KIF1C: variants seen among roughly 807,000 people sequenced by gnomAD.
KIF1C encodes the protein kinesin family member 1C.
In KIF1C, 61 loss-of-function variants were observed where a neutral mutation model predicts 126.5. The observed-to-expected ratio is 0.48, with a 90% CI of 0.39 to 0.60. The LOEUF is 0.60. Among genes scored for constraint, KIF1C ranks in the 20% least tolerant of loss-of-function variants. The pLI is 0.00. For synonymous variants in KIF1C, 640 were observed against 580.6 expected, an observed-to-expected ratio of 1.10 and a Z score of -1.47; for missense variants, 1,315 against 1,489.2, an observed-to-expected ratio of 0.88 and a Z score of 1.93.
At chr17:5,017,438 T>C (rs747418523) in intron 18 of KIF1C, among the ~76,000 whole-genome samples, 1 of 151,644 alleles carries the variant, frequency 6.6e-6, no homozygotes, top group Non-Finnish European at 1.5e-5. Context: ...TAGCTGGGAC[T>C]ACAGGCGCCC....
chr17:5,004,916 C>A lies in KIF1C; in HGVS notation c.1081C>A (p.Arg361=). 2 of 1,614,224 alleles carry A rather than the reference C, an allele frequency of 1.2e-6. No individual in the cohort carries two copies. Among genetic ancestry groups the A allele is most frequent in the Non-Finnish European group, 1.7e-6 (2 of 1,180,042 alleles). ...NAIINEDPNA[R]LIRELQEEVA... is the part of the protein sequence containing the mutation. ...CATCATCAACGAGGACCCTAATGCC[C>A]GGCTGATTAGAGAGCTGCAGGAGGA... Residue 361 remains arginine (R), a synonymous_variant, in exon 13 of 23, where the codon CGG becomes AGG. Coordinates refer to ENST00000320785, the MANE Select transcript of KIF1C (RefSeq NM_006612.6).
chr17:5,006,888 A>T, intron 13 of KIF1C, 27 bp from the exon 14 acceptor site: 1 of 1,610,990 alleles, frequency 6.2e-7, no homozygotes, highest in African/African-American at 1.3e-5. Flanking sequence ...CCTTAGCCTC[A>T]TTCTTTTTCC....
Position 5,024,020 on chromosome 17 carries a change from T to TA in KIF1C, c.3182dup (p.Tyr1061Ter). 6.3e-7 allele frequency: 1 copy of TA among 1,593,730 alleles called. No homozygotes were observed. The change falls in exon 23 of 23, where the codon TAT (tyrosine) becomes TAAT (stop). Residue 1061 changes from tyrosine to a stop codon, truncating the protein, a stop_gained and frameshift_variant. Coordinates refer to ENST00000320785, the MANE Select transcript of KIF1C (RefSeq NM_006612.6). LOFTEE classifies it high-confidence loss of function. ...QHFQPKKHNSYPQPPQPYPAQ... is the reference protein window; with the variant it reads ...QHFQPKKHNS ...CTTCCAGCCCAAAAAGCACAACTCT[T>TA]ATCCCCAGCCACCCCAACCCTACCC...
Position 5,004,844 on chromosome 17 carries a change from C to G in KIF1C, c.1020-11C>G, listed in dbSNP as rs1974689132. The G allele has an allele frequency of 3.7e-6, 6 of 1,614,212 alleles. No individual in the cohort carries two copies. The highest frequency in any genetic ancestry group is 5.1e-6 in the Non-Finnish European group (6 of 1,180,040). ...CCCAGGCCTCACCGACCCTGCTCCTCTGTCACCCAGGTATGCTGACCGCAC... is the reference window on the plus strand; with the variant it reads ...CCCAGGCCTCACCGACCCTGCTCCTGTGTCACCCAGGTATGCTGACCGCAC... On this transcript the variant is annotated splice_polypyrimidine_tract_variant and intron_variant, in intron 12 of 22. Coordinates refer to ENST00000320785, the MANE Select transcript of KIF1C (RefSeq NM_006612.6).
chr17:5,005,259 C>T (rs901379357), intron 13 of KIF1C, among the ~76,000 whole-genome samples: 6 of 152,178 alleles, frequency 3.9e-5, no homozygotes, highest in Non-Finnish European at 8.8e-5. Context: ...ATGACTGTTA[C>T]AGGAAAAAAT....
intron 1 of KIF1C, among the ~76,000 whole-genome samples, 166 bp downstream of exon 1, chr17:4,998,322 C>G (rs1974443963): frequency 1.3e-5 from 2 of 152,164 alleles, no homozygotes; most frequent in African/African-American, 4.8e-5. Flanking sequence ...CGGCCGCCGG[C>G]TGGCTGGACA....
At position 5,024,333 on chromosome 17, in the gene KIF1C, C is replaced by T. The variant is rs904310871; in HGVS notation, c.*182C>T. 1.2e-5 allele frequency: 6 copies of T among 512,818 alleles called. No homozygotes were observed. The highest frequency in any genetic ancestry group is 5.9e-5 in the South Asian group (2 of 33,738). 31.8% of individuals were successfully genotyped at this position (512,818 alleles called of 1,614,324 possible). A position where few individuals can be genotyped will look rare whatever the true frequency, so the allele number is the denominator to read the frequency against. On this transcript the variant is annotated 3_prime_UTR_variant, in exon 23 of 23. Transcript: ENST00000320785. ...GGAGGCTGAGGAAAGGAAGAGGGCACGGAGTTGCCAGGAGCAAACCAAAGT... is the reference window on the plus strand; with the variant it reads ...GGAGGCTGAGGAAAGGAAGAGGGCATGGAGTTGCCAGGAGCAAACCAAAGT...
At position 5,020,572 on chromosome 17, in the gene KIF1C, G is replaced by T; in HGVS notation, c.1831G>T (p.Val611Phe). The T allele has an allele frequency of 6.2e-7, 1 of 1,614,234 alleles. No homozygotes were observed. The highest frequency in any genetic ancestry group is 8.5e-7 in the Non-Finnish European group (1 of 1,180,038). The change falls in exon 20 of 23, where the codon GTC becomes TTC. Residue 611 changes from valine (V) to phenylalanine (F), a missense_variant. By Grantham distance (50) the Val-to-Phe change is conservative. Around this residue, in one of 2 missense-constraint regions of KIF1C, gnomAD observed 874 missense variants for 1,053.2 expected, o/e 0.83. Coordinates refer to ENST00000320785, the MANE Select transcript of KIF1C (RefSeq NM_006612.6). The surrounding 1 kb of genome is among the most constrained non-coding windows in gnomAD (Gnocchi z 5.8). ...GGCAAGGCTGGAACGGGAACGAGGG[G>T]TCCCCCCACCCCCAGGACCGCCCTC... is the stretch of plus-strand genomic sequence containing the variant. ...EQARLERERG[V>F]PPPPGPPSEP...
rs142046798 is a variant in KIF1C, at chr17:5,007,273, A to G, written c.1346A>G (p.Lys449Arg). The G allele has an allele frequency of 3.8e-5, 61 of 1,609,156 alleles. 1 individual carries two copies. The highest frequency in any genetic ancestry group is 1.7e-4 in the Admixed American group (10 of 58,910). Residue 449 changes from lysine to arginine, a missense_variant, in exon 15 of 23, where the codon AAG becomes AGG. By Grantham distance (26) the Lys-to-Arg change is conservative. This residue lies in a region of KIF1C where 874 missense variants were observed against 1,053.2 expected (regional missense o/e 0.83). Coordinates refer to ENST00000320785, the MANE Select transcript of KIF1C (RefSeq NM_006612.6). ...EAMERLQETE[K>R]IIAELNETWE... Reference sequence around the variant, plus strand: ...ACCTTACGCCCCCAGGAGACAGAGAAGATTATAGCTGAGCTGAACGAGACA... The same window carrying G: ...ACCTTACGCCCCCAGGAGACAGAGAGGATTATAGCTGAGCTGAACGAGACA...
At chr17:5,006,506 T>A (rs1300144711) in intron 13 of KIF1C, among the ~76,000 whole-genome samples, 3 of 149,856 alleles carry the variant, frequency 2.0e-5, no homozygotes, top group East Asian at 2.0e-4. Context: ...CAGGCTAATT[T>A]TTGTATTTTA....
At chr17:5,011,059 CTTAG>C (rs1974855385) in intron 16 of KIF1C, among the ~76,000 whole-genome samples, 1 of 152,102 alleles carries the variant, frequency 6.6e-6, no homozygotes. Flanking sequence ...CACATTCTGG[CTTAG>C]TAAGACTTTT....
In KIF1C at chr17:5,000,303, G is replaced by C; in HGVS notation, c.57G>C (p.Glu19Asp). 6.3e-7 allele frequency: 1 copy of C among 1,594,134 alleles called. No homozygotes were observed. The highest frequency in any genetic ancestry group is 8.5e-7 in the Non-Finnish European group (1 of 1,171,624). The change falls in exon 3 of 23, where the codon GAG becomes GAC. Residue 19 changes from glutamate to aspartate, a missense_variant. Glu to Asp is a conservative substitution (Grantham distance 45, BLOSUM62 2). Coordinates refer to ENST00000320785, the MANE Select transcript of KIF1C (RefSeq NM_006612.6). ...AVRVRPFNAR[E>D]TSQDAKCVVS... ...GGGTTCGGCCCTTTAACGCCCGTGA[G>C]ACCAGCCAGGATGCCAAGTGTGTGG...
intron 1 of KIF1C, among the ~76,000 whole-genome samples, 162 bp downstream of exon 1, chr17:4,998,318 C>T (rs879510632): frequency 1.3e-5 from 2 of 152,180 alleles, no homozygotes; most frequent in Non-Finnish European, 2.9e-5. Context: ...CGGGCGGCCG[C>T]CGGCTGGCTG....
At chr17:5,011,743 C>G (rs937440155) in intron 16 of KIF1C, 1 of 152,126 alleles carries the variant, frequency 6.6e-6, no homozygotes, top group South Asian at 2.1e-4. Context: ...GGGGACACAG[C>G]TTTGGGCTCT....
intron 18 of KIF1C, among the ~76,000 whole-genome samples, chr17:5,016,965 A>G (rs531177656): frequency 1.3e-5 from 2 of 152,080 alleles, no homozygotes; most frequent in East Asian, 3.9e-4. Flanking sequence ...CAGCCAATCA[A>G]GGCAGTTGTT....
rs1192093807 is a variant in KIF1C, at chr17:4,998,078, C to G, written c.-227C>G. On this transcript the variant is annotated 5_prime_UTR_variant, in exon 1 of 23. In the 5' UTR this introduces an upstream ATG that the reference lacks. Coordinates refer to ENST00000320785, the MANE Select transcript of KIF1C (RefSeq NM_006612.6). ...GGGCAGCTCCGAACCGGCCCCAGAT[C>G]CTTCCCGCTTCCGCCTCACGCTTCC... 1 of 151,676 alleles carries G rather than the reference C, an allele frequency of 6.6e-6. No individual in the cohort carries two copies. Among genetic ancestry groups the G allele is most frequent in the Non-Finnish European group, 1.5e-5 (1 of 67,818 alleles). 9.4% of individuals were successfully genotyped at this position (151,676 alleles called of 1,614,324 possible).
chr17:5,019,707 T>G, intron 18 of KIF1C: 1 of 436,754 alleles, frequency 2.3e-6, no homozygotes. Flanking sequence ...AATGAATCCT[T>G]TTGACAATTA....
At chr17:4,998,696 T>C (rs1974468941) in intron 1 of KIF1C, among the ~76,000 whole-genome samples, 1 of 152,182 alleles carries the variant, frequency 6.6e-6, no homozygotes, top group Non-Finnish European at 1.5e-5. Flanking sequence ...ACTCCCTTCC[T>C]GTCCTGGGAC....
At chr17:5,015,370 A>G (rs1301882647) in intron 18 of KIF1C, among the ~76,000 whole-genome samples, 6 of 150,906 alleles carry the variant, frequency 4.0e-5, no homozygotes, top group East Asian at 1.9e-4. Context: ...TGCAGCCTCA[A>G]CCTCCCGGGT....
Sources: gnomAD v4.1 joint callset for allele counts (sites outside exome capture counted in the v4.1 genomes callset) on GRCh38, gnomAD v4.1.1 for gene constraint, gnomAD v4.1.1 regional missense constraint, Gnocchi (gnomAD v3.1) non-coding constraint, MANE v1.5 for transcripts, NCBI Gene and HGNC (gene_info 2026-07-23, HGNC 2026-07-21) for gene names.